Variants in KIF26B observed in about 807,000 individuals in gnomAD.
KIF26B encodes the protein kinesin family member 26B.
Under a neutral mutation model 151.2 loss-of-function variants are expected in KIF26B, and 63 were observed. The observed-to-expected ratio is 0.42, with a 90% CI of 0.34 to 0.51. The LOEUF (loss-of-function observed/expected upper bound fraction) is 0.51. Ranked by LOEUF, KIF26B falls within the 20% of genes least tolerant of loss-of-function variation. The pLI, the probability that KIF26B is intolerant of heterozygous loss-of-function variation, is 0.07. For synonymous variants in KIF26B, 1,357 were observed against 1,262.1 expected (o/e 1.08, Z -1.59); for missense variants, 2,813 against 2,913.6 (o/e 0.97, Z 0.79).
intron 4 of KIF26B, among the ~76,000 whole-genome samples, chr1:245,475,443 G>A (rs1434546256): frequency 1.3e-5 from 2 of 151,724 alleles, no homozygotes; most frequent in African/African-American, 4.8e-5. Context: ...GCGGGTCCTG[G>A]TTGGGGGTCA....
In KIF26B at chr1:245,686,714, G is replaced by A. The variant is rs1045567955; in HGVS notation, c.3731G>A (p.Ser1244Asn). ...AGCGAGGACCTGGAGTGCTACTCCAGCACGGCCCCCGTCTCCGAGGTCAGC... is the reference window on the plus strand; with the variant it reads ...AGCGAGGACCTGGAGTGCTACTCCAACACGGCCCCCGTCTCCGAGGTCAGC... ...SISEDLECYS[S>N]TAPVSEVSIT... Residue 1244 changes from serine to asparagine, a missense_variant, in exon 12 of 15, where the codon AGC becomes AAC. Ser to Asn is a conservative substitution (Grantham distance 46). Around this residue, in one of 3 missense-constraint regions of KIF26B, gnomAD observed 2,060 missense variants for 2,088.6 expected, o/e 0.99. Coordinates refer to ENST00000407071, the MANE Select transcript of KIF26B (RefSeq NM_018012.4). The surrounding 1 kb of genome is among the most constrained non-coding windows in gnomAD (Gnocchi z 5.6). 5 of 1,613,252 alleles carry A rather than the reference G, an allele frequency of 3.1e-6. No homozygotes were observed. The highest frequency in any genetic ancestry group is 3.4e-6 in the Non-Finnish European group (4 of 1,179,752).
intron 5 of KIF26B, among the ~76,000 whole-genome samples, chr1:245,565,739 A>T (rs1017655742): frequency 5.3e-5 from 8 of 152,224 alleles, no homozygotes; most frequent in African/African-American, 1.9e-4. Flanking sequence ...TCATTTACTT[A>T]TGTGGCCTTA....
intron 4 of KIF26B, among the ~76,000 whole-genome samples, chr1:245,470,002 G>A (rs918254938): frequency 6.6e-6 from 1 of 151,886 alleles, no homozygotes; most frequent in Admixed American, 6.6e-5. Flanking sequence ...TTGGTTGGCG[G>A]GAGTCTCGGG....
intron 5 of KIF26B, among the ~76,000 whole-genome samples, chr1:245,595,374 G>C (rs920344591): frequency 6.6e-6 from 1 of 152,132 alleles, no homozygotes; most frequent in Non-Finnish European, 1.5e-5. Flanking sequence ...TAGCATGAAG[G>C]GGTGTTGAAT....
In KIF26B at chr1:245,464,544, C is replaced by T. The variant is rs1481797254; in HGVS notation, c.1166+44799C>T. ...GTGTGGCACCATGTGTGTGGGTGTG[C>T]GTGGGTGTGTTCCTGTGTGGGTGTG... On this transcript the variant is annotated intron_variant, in intron 4 of 14. Coordinates refer to ENST00000407071, the MANE Select transcript of KIF26B (RefSeq NM_018012.4). Among the ~76,000 whole-genome samples, 5 of 123,150 alleles carry T rather than the reference C, an allele frequency of 4.1e-5. No individual in the cohort carries two copies. The South Asian group carries it at 8.2e-4, about 20-fold the overall frequency. The allele number at this position is 123,150 out of a possible 152,430, so 80.8% of individuals were successfully genotyped here.
At chr1:245,361,167 C>T (rs1185791656) in intron 2 of KIF26B, among the ~76,000 whole-genome samples, 1 of 152,172 alleles carries the variant, frequency 6.6e-6, no homozygotes, top group Admixed American at 6.6e-5. Context: ...TCACATGTTG[C>T]AGCAAGCAGC....
chr1:245,246,920 CACAG>C (rs1181839198), intron 2 of KIF26B, among the ~76,000 whole-genome samples: 1 of 150,238 alleles, frequency 6.7e-6, no homozygotes, highest in Admixed American at 6.7e-5. Context: ...CACAGACACA[CACAG>C]ACACAGACAC....
At chr1:245,306,827 C>T (rs907278327) in intron 2 of KIF26B, among the ~76,000 whole-genome samples, 10 of 152,184 alleles carry the variant, frequency 6.6e-5, no homozygotes, top group African/African-American at 1.9e-4. Flanking sequence ...TCTATCTGAT[C>T]GAGAGCTCTT....
intron 2 of KIF26B, among the ~76,000 whole-genome samples, chr1:245,258,749 G>T (rs543814567): frequency 1.3e-5 from 2 of 151,812 alleles, no homozygotes; most frequent in African/African-American, 2.4e-5. Context: ...ACAGCATGGT[G>T]GGGGGGCATG....
At chr1:245,251,729 C>T (rs1670447543) in intron 2 of KIF26B, among the ~76,000 whole-genome samples, 1 of 152,106 alleles carries the variant, frequency 6.6e-6, no homozygotes, top group African/African-American at 2.4e-5. Context: ...ACCAAGTTCT[C>T]CTGTTTGTGT....
chr1:245,453,224 T>TAAAAAATC, intron 4 of KIF26B, among the ~76,000 whole-genome samples: 1 of 152,050 alleles, frequency 6.6e-6, no homozygotes, highest in Non-Finnish European at 1.5e-5. Context: ...TTTATTTTTT[T>TAAAAAATC]AAAAAATCTC....
intron 6 of KIF26B, 47 bp from the exon 7 acceptor site, chr1:245,607,604 C>T (rs555205113): frequency 1.9e-4 from 279 of 1,488,746 alleles, no homozygotes; most frequent in Non-Finnish European, 2.4e-4. Flanking sequence ...GTGGTGTCTC[C>T]GCTGCGAGGT....
intron 5 of KIF26B, among the ~76,000 whole-genome samples, chr1:245,574,517 G>A (rs766507460): frequency 1.5e-4 from 23 of 152,200 alleles, no homozygotes; most frequent in Non-Finnish European, 2.8e-4. Context: ...GAGCAGGAAG[G>A]TGTGGCCAGG....
chr1:245,689,190 G>T (rs1424016244), intron 12 of KIF26B, among the ~76,000 whole-genome samples: 8 of 152,222 alleles, frequency 5.3e-5, no homozygotes, highest in Non-Finnish European at 1.2e-4. Flanking sequence ...TGCTCGCTCT[G>T]GGGGCAGCCT....
At chr1:245,444,185 C>T (rs1482140883) in intron 4 of KIF26B, among the ~76,000 whole-genome samples, 14,481 of 138,420 alleles carry the variant, frequency 0.1, 112 homozygotes, top group African/African-American at 0.17. Flanking sequence ...GAGTGGTCAT[C>T]TCCCTCACTG....
intron 2 of KIF26B, among the ~76,000 whole-genome samples, chr1:245,256,734 G>A (rs1670543334): frequency 6.6e-6 from 1 of 152,280 alleles, no homozygotes; most frequent in African/African-American, 2.4e-5. Flanking sequence ...AGGCACAGCT[G>A]ACCAGCATTC....
Position 245,602,895 on chromosome 1 carries a change from C to A in KIF26B, c.1557+112C>A. ...TGTCTTCTGGAGCATTCTGATGGAC[C>A]AGTTCCTTCAGGAGTCAATCTGAGC... On this transcript the variant is annotated intron_variant, in intron 6 of 14. Transcript: ENST00000407071. This position sits in a 1 kb window ranked among gnomAD's most constrained non-coding sequence, Gnocchi z 4.5. The A allele has an allele frequency of 1.1e-6, 1 of 921,028 alleles. No homozygotes were observed. Among genetic ancestry groups the A allele is most frequent in the Non-Finnish European group, 1.7e-6 (1 of 572,752 alleles). The allele number at this position is 921,028 out of a possible 1,614,324, so 57.1% of individuals were successfully genotyped here.
chr1:245,366,775 T>G, intron 2 of KIF26B, 59 bp from the exon 3 acceptor site: 1 of 1,547,994 alleles, frequency 6.5e-7, no homozygotes, highest in African/African-American at 1.4e-5. Flanking sequence ...GGTATCTGAC[T>G]TGCACTAGCA....
chr1:245,658,398 TGA>T (rs1433786802), intron 10 of KIF26B, among the ~76,000 whole-genome samples: 2 of 152,160 alleles, frequency 1.3e-5, no homozygotes, highest in African/African-American at 4.8e-5. Flanking sequence ...AATTACATTG[TGA>T]GTTTTCTTTT....
Sources: gnomAD v4.1 joint callset for allele counts (sites outside exome capture counted in the v4.1 genomes callset) on GRCh38, gnomAD v4.1.1 for gene constraint, gnomAD v4.1.1 regional missense constraint, Gnocchi (gnomAD v3.1) non-coding constraint, MANE v1.5 for transcripts, NCBI Gene and HGNC (gene_info 2026-07-23, HGNC 2026-07-21) for gene names.